SLIT3: variants seen among roughly 807,000 people sequenced by gnomAD.
SLIT3 encodes the protein slit guidance ligand 3.
In SLIT3, 68 loss-of-function variants were observed where a neutral mutation model predicts 184.0. The ratio of observed to expected loss-of-function variants is 0.37; its 90% CI spans 0.30 to 0.45. SLIT3 has a LOEUF of 0.45. Among genes scored for constraint, SLIT3 ranks in the 20% least tolerant of loss-of-function variants. SLIT3 has a pLI of 1.00. For synonymous variants in SLIT3, 831 were observed against 828.6 expected (o/e 1.00, Z -0.05); for missense variants, 1,707 against 2,026.0 (o/e 0.84, Z 3.02).
At chr5:168,829,144 C>T (rs1004582561) in intron 6 of SLIT3, among the ~76,000 whole-genome samples, 1 of 152,182 alleles carries the variant, frequency 6.6e-6, no homozygotes, top group Non-Finnish European at 1.5e-5. Flanking sequence ...GCTGCAGCCA[C>T]CCCACCCTGG....
intron 12 of SLIT3, among the ~76,000 whole-genome samples, chr5:168,780,797 C>A (rs1210997538): frequency 6.6e-6 from 1 of 152,176 alleles, no homozygotes; most frequent in Non-Finnish European, 1.5e-5. Flanking sequence ...CACCTTAGAA[C>A]ATTATGTTAT....
chr5:168,913,726 A>G (rs1761334256), intron 4 of SLIT3, among the ~76,000 whole-genome samples: 2 of 146,968 alleles, frequency 1.4e-5, no homozygotes, highest in Admixed American at 1.4e-4. Context: ...GGGCAACAAG[A>G]GTAAAACTCC....
chr5:168,736,597 G>GA (rs1763443138), intron 20 of SLIT3, among the ~76,000 whole-genome samples: 1 of 152,140 alleles, frequency 6.6e-6, no homozygotes, highest in Admixed American at 6.5e-5. Flanking sequence ...GACATAGCCA[G>GA]AACCACTGAC....
chr5:169,033,810 AT>A (rs568929106), intron 4 of SLIT3, among the ~76,000 whole-genome samples: 3,568 of 116,108 alleles, frequency 0.031, 26 homozygotes, highest in African/African-American at 0.071. Flanking sequence ...CTATTGTATG[AT>A]TTTTTTTTTT....
In SLIT3 at chr5:168,997,976, C is replaced by T. The variant is rs74822842; in HGVS notation, c.414-114640G>A. ...TGAGGCCAAGCTCTCTCTCTCTACC[C>T]GCCCCATGCCCTCTCTCTCCCTCCA... On this transcript the variant is annotated intron_variant, in intron 4 of 35. Coordinates refer to ENST00000519560, the MANE Select transcript of SLIT3 (RefSeq NM_003062.4). 9.6e-3 allele frequency among the ~76,000 whole-genome samples: 1,466 copies of T among 152,128 alleles called. 17 individuals are homozygous for T. The highest frequency in any genetic ancestry group is 0.033 in the African/African-American group (1,375 of 41,482).
At chr5:168,955,550 TGAGCTCAAACCCCATGGCCCTGGTGG>T (rs2113260419) in intron 4 of SLIT3, among the ~76,000 whole-genome samples, 1 of 152,328 alleles carries the variant, frequency 6.6e-6, no homozygotes, top group South Asian at 2.1e-4. Flanking sequence ...GGGGAAGGAA[TGAGCTCAAACCCCATGGCCCTGGTGG>T]ACACACTCCA....
intron 4 of SLIT3, among the ~76,000 whole-genome samples, chr5:169,191,992 A>G (rs190118617): frequency 6.6e-6 from 1 of 152,328 alleles, no homozygotes; most frequent in East Asian, 1.9e-4. Context: ...TACTTAGTTA[A>G]CAGCAGGTTG....
chr5:169,012,135 T>A (rs1404646113), intron 4 of SLIT3: 2 of 152,160 alleles, frequency 1.3e-5, no homozygotes, highest in African/African-American at 4.8e-5. Flanking sequence ...TCTTATAGAT[T>A]GGGAGATGAG....
chr5:169,035,008 C>T (rs964043093), intron 4 of SLIT3, among the ~76,000 whole-genome samples: 1 of 150,776 alleles, frequency 6.6e-6, no homozygotes, highest in Non-Finnish European at 1.5e-5. Context: ...TCTTGAACTC[C>T]TGAGCTCAAG....
intron 4 of SLIT3, among the ~76,000 whole-genome samples, chr5:169,002,322 CAAAAAAA>C (rs397999882): frequency 0.014 from 327 of 24,120 alleles, no homozygotes; most frequent in African/African-American, 0.042. Context: ...GACTCTGTCT[CAAAAAAA>C]AAAAAAAAAA....
chr5:168,896,732 G>A (rs538961472), intron 4 of SLIT3, among the ~76,000 whole-genome samples: 45 of 152,232 alleles, frequency 3.0e-4, no homozygotes, highest in Non-Finnish European at 6.0e-4. Context: ...CTGTGCAGAG[G>A]AGAAGTTGGC....
chr5:168,935,055 T>G (rs1466749189), intron 4 of SLIT3, among the ~76,000 whole-genome samples: 1 of 150,178 alleles, frequency 6.7e-6, no homozygotes, highest in Non-Finnish European at 1.5e-5. Context: ...GGAGAATTGT[T>G]TGAACCCGGG....
At chr5:169,122,420 C>T (rs1459850807) in intron 4 of SLIT3, among the ~76,000 whole-genome samples, 2 of 152,208 alleles carry the variant, frequency 1.3e-5, no homozygotes, top group African/African-American at 4.8e-5. Flanking sequence ...AGGCCCTGAG[C>T]TCTGGTACCT....
chr5:169,158,019 A>G (rs893388687), intron 4 of SLIT3, among the ~76,000 whole-genome samples: 2 of 152,014 alleles, frequency 1.3e-5, no homozygotes, highest in African/African-American at 4.8e-5. Flanking sequence ...TCAGATATCA[A>G]AAAGAAGAGG....
chr5:168,670,288 A>C (rs1201274390), intron 34 of SLIT3, among the ~76,000 whole-genome samples: 1 of 152,206 alleles, frequency 6.6e-6, no homozygotes, highest in African/African-American at 2.4e-5. Flanking sequence ...GCTTGAAAGA[A>C]TCTAGCCATT....
chr5:169,288,988 G>A (rs1056622279), intron 1 of SLIT3, among the ~76,000 whole-genome samples: 1 of 152,162 alleles, frequency 6.6e-6, no homozygotes, highest in African/African-American at 2.4e-5. Context: ...GATATTGTGG[G>A]TGGACTCATT....
chr5:168,675,025 A>G (rs1761364580), intron 32 of SLIT3, among the ~76,000 whole-genome samples: 1 of 152,184 alleles, frequency 6.6e-6, no homozygotes, highest in Non-Finnish European at 1.5e-5. Flanking sequence ...TACAGGCAAG[A>G]GACAGAATTT....
chr5:169,241,488 C>G (rs1765404059), intron 3 of SLIT3, among the ~76,000 whole-genome samples: 1 of 152,128 alleles, frequency 6.6e-6, no homozygotes. Context: ...TTCCTATACC[C>G]CATCGGCTGG....
Position 168,727,753 on chromosome 5 carries a change from C to T in SLIT3, c.2271-3269G>A, listed in dbSNP as rs149213010. On this transcript the variant is annotated intron_variant, in intron 20 of 35. Coordinates refer to ENST00000519560, the MANE Select transcript of SLIT3 (RefSeq NM_003062.4). ...CCCCAAACAGGGGCAGGGGCTCAGC[C>T]GGTGGTGGGAAGGAGCAGACACTGG... Among the ~76,000 whole-genome samples, 155 of 152,190 alleles carry T rather than the reference C, an allele frequency of 1.0e-3. 1 individual carries two copies. In the East Asian group the frequency reaches 0.011, roughly 11 times the overall value.
Sources: allele counts gnomAD v4.1 joint callset (sites outside exome capture counted in the v4.1 genomes callset), GRCh38; gene constraint gnomAD v4.1.1; transcripts MANE v1.5; gene names NCBI Gene and HGNC (gene_info 2026-07-23, HGNC 2026-07-21).